The following ANKRD11 variants were observed in gnomAD, a reference collection of about 807,000 sequenced individuals.
The protein encoded by ANKRD11 is ankyrin repeat domain-containing protein 11.
ANKRD11 carries 17 observed loss-of-function variants against 195.7 expected under a neutral mutation model. That is an observed-to-expected ratio of 0.09 (90% CI 0.06 to 0.13). The LOEUF is 0.13. ANKRD11 is among the 10% of genes least tolerant of loss of function. ANKRD11 has a pLI of 1.00. For missense variants in ANKRD11, 3,735 were observed against 3,566.1 expected (o/e 1.05, Z -1.21); for synonymous variants, 1,953 against 1,528.1 (o/e 1.28, Z -6.49).
intron 2 of ANKRD11, among the ~76,000 whole-genome samples, chr16:89,417,759 G>A (rs1475002832): frequency 1.3e-5 from 2 of 150,920 alleles, no homozygotes; most frequent in Non-Finnish European, 3.0e-5. Context: ...CCTCATCCAA[G>A]GACAACCCAG....
At chr16:89,286,834 A>G (rs2034680646) in intron 7 of ANKRD11, 2 of 1,287,262 alleles carry the variant, frequency 1.6e-6, no homozygotes, top group East Asian at 1.1e-4. Flanking sequence ...CAGAACAGCA[A>G]TGCACTGAAC....
chr16:89,402,500 G>A (rs995568748), intron 2 of ANKRD11, among the ~76,000 whole-genome samples: 3 of 151,922 alleles, frequency 2.0e-5, no homozygotes, highest in Non-Finnish European at 4.4e-5. Flanking sequence ...GGAATGACAG[G>A]GAGACCCCGC....
At chr16:89,358,547 T>C (rs762091204) in intron 2 of ANKRD11, among the ~76,000 whole-genome samples, 2 of 152,170 alleles carry the variant, frequency 1.3e-5, no homozygotes, top group Non-Finnish European at 2.9e-5. Flanking sequence ...CATGCCTATA[T>C]CAAAACATCT....
Position 89,346,704 on chromosome 16 carries a change from A to T in ANKRD11, c.-59-29626T>A, listed in dbSNP as rs9933473. Among the ~76,000 whole-genome samples the T allele has an allele frequency of 5.1e-3, 779 of 152,336 alleles. 8 individuals carry two copies. Among genetic ancestry groups the T allele is most frequent in the African/African-American group, 0.018 (735 of 41,580 alleles). Reference sequence around the variant, plus strand: ...CAAAATTGGAAATGACAGAGATGCTATACAGCAAGGTGGGAGATCCAGGTA... The same window carrying T: ...CAAAATTGGAAATGACAGAGATGCTTTACAGCAAGGTGGGAGATCCAGGTA... On this transcript the variant is annotated intron_variant, in intron 2 of 12. Coordinates refer to ENST00000301030, the MANE Select transcript of ANKRD11 (RefSeq NM_013275.6).
intron 2 of ANKRD11, among the ~76,000 whole-genome samples, chr16:89,413,074 G>A (rs777770669): frequency 6.6e-6 from 1 of 152,296 alleles, no homozygotes; most frequent in Admixed American, 6.5e-5. Flanking sequence ...GAGGGGGAGG[G>A]AGTAGGAGGG....
At chr16:89,487,269 T>C (rs2057649498) in intron 1 of ANKRD11, among the ~76,000 whole-genome samples, 1 of 152,164 alleles carries the variant, frequency 6.6e-6, no homozygotes, top group Non-Finnish European at 1.5e-5. Flanking sequence ...CCATTACACT[T>C]ACGATTTGAG....
intron 1 of ANKRD11, among the ~76,000 whole-genome samples, chr16:89,430,617 A>AGGACAAAGGT (rs1414425728): frequency 6.6e-6 from 1 of 152,224 alleles, no homozygotes; most frequent in African/African-American, 2.4e-5. Context: ...TCCTTTAACA[A>AGGACAAAGGT]GGACAAAGGT....
In ANKRD11 at chr16:89,281,148, G is replaced by C. The variant is rs1331868358; in HGVS notation, c.5394C>G (p.Thr1798=). 1 of 1,613,890 alleles carries C rather than the reference G, an allele frequency of 6.2e-7. No homozygotes were observed. The highest frequency in any genetic ancestry group is 1.3e-5 in the African/African-American group (1 of 75,042). The change falls in exon 9 of 13, where the codon ACC becomes ACG. Residue 1798 remains threonine, a synonymous_variant. Transcript: ENST00000301030. This position sits in a 1 kb window ranked among gnomAD's most constrained non-coding sequence, Gnocchi z 5.5. ...YRSVSVDIRR[T]PEEEFSVGDK... ...CTCCGACGCTGAATTCTTCCTCGGG[G>C]GTCCTCCTAATGTCGACAGAGACCG...
intron 3 of ANKRD11, among the ~76,000 whole-genome samples, chr16:89,307,785 C>T (rs1008764138): frequency 1.3e-5 from 2 of 152,262 alleles, no homozygotes; most frequent in Non-Finnish European, 2.9e-5. Flanking sequence ...AAGAATGGCA[C>T]ACACCAGCAA....
intron 9 of ANKRD11, chr16:89,277,556 G>C (rs568563887): frequency 6.6e-6 from 1 of 152,396 alleles, no homozygotes; most frequent in African/African-American, 2.4e-5. Flanking sequence ...CAGAAGATCA[G>C]AAGGTCTTAC....
intron 2 of ANKRD11, chr16:89,321,222 G>C (rs1035917498): frequency 6.6e-6 from 1 of 152,290 alleles, no homozygotes; most frequent in African/African-American, 2.4e-5. Context: ...CACTGACTAC[G>C]GCAAGGTCAG....
chr16:89,368,499 C>T (rs2040052909), intron 2 of ANKRD11, among the ~76,000 whole-genome samples: 1 of 147,162 alleles, frequency 6.8e-6, no homozygotes, highest in South Asian at 2.2e-4. Context: ...GGATTACAGG[C>T]ATGAGCCACC....
chr16:89,452,917 A>C (rs543424038), intron 1 of ANKRD11, among the ~76,000 whole-genome samples: 1 of 152,228 alleles, frequency 6.6e-6, no homozygotes, highest in Admixed American at 6.5e-5. Flanking sequence ...TTTTTCATAC[A>C]ATCACACATG....
At chr16:89,308,906 C>A (rs1344566246) in intron 3 of ANKRD11, among the ~76,000 whole-genome samples, 3 of 152,184 alleles carry the variant, frequency 2.0e-5, no homozygotes, top group African/African-American at 7.2e-5. Context: ...TGCGCGCAGC[C>A]TCGTGGAGGA....
At chr16:89,289,421 A>C (rs2034878958) in intron 6 of ANKRD11, among the ~76,000 whole-genome samples, 1 of 152,110 alleles carries the variant, frequency 6.6e-6, no homozygotes, top group African/African-American at 2.4e-5. Context: ...GTCCTGGGAT[A>C]TGTGGACCAC....
chr16:89,432,412 G>A lies in ANKRD11; in HGVS notation c.-144-14044C>T, dbSNP rs376287988. 9.6e-4 allele frequency among the ~76,000 whole-genome samples: 146 copies of A among 152,176 alleles called. 1 individual carries two copies. Among genetic ancestry groups the A allele is most frequent in the African/African-American group, 3.4e-3 (140 of 41,510 alleles). On this transcript the variant is annotated intron_variant, in intron 1 of 12. Coordinates refer to ENST00000301030, the MANE Select transcript of ANKRD11 (RefSeq NM_013275.6). ...CCGTGGCAGCCGCCTCCCAGAGCCCGTGGCATGCACTGTGTTGAGGGGTGC... is the reference window on the plus strand; with the variant it reads ...CCGTGGCAGCCGCCTCCCAGAGCCCATGGCATGCACTGTGTTGAGGGGTGC...
intron 9 of ANKRD11, chr16:89,278,734 G>A (rs963776034): frequency 7.7e-6 from 4 of 519,844 alleles, no homozygotes; most frequent in African/African-American, 1.9e-5. Context: ...TCGTGAGGCC[G>A]TCCTGGTGGA....
intron 1 of ANKRD11, among the ~76,000 whole-genome samples, chr16:89,477,349 C>A (rs1378473907): frequency 1.3e-5 from 2 of 151,804 alleles, no homozygotes; most frequent in African/African-American, 2.4e-5. Flanking sequence ...TGGGCCACCA[C>A]GCGTAATTTC....
intron 1 of ANKRD11, among the ~76,000 whole-genome samples, chr16:89,464,944 G>C (rs1219639009): frequency 6.6e-6 from 1 of 152,218 alleles, no homozygotes; most frequent in Non-Finnish European, 1.5e-5. Flanking sequence ...GGGGTCAGGG[G>C]CCGAATCTGG....
Sources: allele counts gnomAD v4.1 joint callset (sites outside exome capture counted in the v4.1 genomes callset), GRCh38; gene constraint gnomAD v4.1.1; non-coding constraint Gnocchi (gnomAD v3.1); transcripts MANE v1.5; gene names NCBI Gene and HGNC (gene_info 2026-07-23, HGNC 2026-07-21).